The following DPP6 variants were observed in gnomAD, a reference collection of about 807,000 sequenced individuals.
DPP6 encodes the protein dipeptidyl peptidase like 6, also known as A-type potassium channel modulatory protein DPP6.
Under a neutral mutation model 122.6 loss-of-function variants are expected in DPP6, and 69 were observed. The observed-to-expected ratio is 0.56, with a 90% CI of 0.46 to 0.69. DPP6 has a LOEUF of 0.69. Ranked by LOEUF, DPP6 falls within the 30% of genes least tolerant of loss-of-function variation. The pLI is 0.00. For missense variants in DPP6, 928 were observed against 1,116.9 expected (o/e 0.83, Z 2.41); for synonymous variants, 418 against 433.1 (o/e 0.97, Z 0.43).
At chr7:154,881,134 G>A in intron 21 of DPP6, 192 bp downstream of exon 21, 3 of 961,388 alleles carry the variant, frequency 3.1e-6, no homozygotes, top group Non-Finnish European at 4.2e-6. Context: ...ATTTTCCTAA[G>A]TTTCTTTTTA....
the DPP6 span, among the ~76,000 whole-genome samples, chr7:153,838,165 G>A: frequency 6.6e-6 from 1 of 152,094 alleles, no homozygotes; most frequent in Non-Finnish European, 1.5e-5. Context: ...TTCATACTGG[G>A]CATCCAAGAA....
the DPP6 span, among the ~76,000 whole-genome samples, chr7:153,841,767 G>A: frequency 6.6e-6 from 1 of 152,178 alleles, no homozygotes; most frequent in Non-Finnish European, 1.5e-5. Flanking sequence ...AGGAAAATTG[G>A]GAAGAATGCT....
At chr7:153,928,770 C>G (rs1346575946) in intron 1 of DPP6, among the ~76,000 whole-genome samples, 1 of 152,100 alleles carries the variant, frequency 6.6e-6, no homozygotes, top group Non-Finnish European at 1.5e-5. Context: ...CCATAGCAGA[C>G]TTACATTGAT....
intron 2 of DPP6, among the ~76,000 whole-genome samples, chr7:154,451,129 G>A (rs750689080): frequency 2.0e-5 from 3 of 152,044 alleles, no homozygotes; most frequent in African/African-American, 4.8e-5. Flanking sequence ...TTAGGAGGGC[G>A]AGGTGGGCAG....
intron 1 of DPP6, among the ~76,000 whole-genome samples, chr7:154,196,838 T>C (rs1325513376): frequency 2.0e-5 from 3 of 152,124 alleles, no homozygotes; most frequent in Admixed American, 6.5e-5. Context: ...CCCTATCCCG[T>C]TTCCACTTAA....
rs1249481948 is a variant in DPP6 at position 154,801,607 on chromosome 7, C to T, written c.1407+145C>T. 3.5e-5 allele frequency: 42 copies of T among 1,197,774 alleles called. No homozygotes were observed. The East Asian group carries it at 4.6e-4, about 13-fold the overall frequency. 74.2% of individuals were successfully genotyped at this position (1,197,774 alleles called of 1,614,324 possible). A position where few individuals can be genotyped will look rare whatever the true frequency, so the allele number is the denominator to read the frequency against. ...TTCCCGAAGGCAGGGCAGGGCATGGCGCTGGTGAGTGCAGAGGTTCCCATC... is the reference window on the plus strand; with the variant it reads ...TTCCCGAAGGCAGGGCAGGGCATGGTGCTGGTGAGTGCAGAGGTTCCCATC... On this transcript the variant is annotated intron_variant, in intron 13 of 25. Transcript: ENST00000377770.
intron 1 of DPP6, among the ~76,000 whole-genome samples, chr7:154,085,009 A>AAC (rs2150536067): frequency 6.6e-6 from 1 of 151,728 alleles, no homozygotes; most frequent in East Asian, 1.9e-4. Flanking sequence ...AAAAAAAAAA[A>AAC]AACAGGTGCC....
intron 1 of DPP6, among the ~76,000 whole-genome samples, chr7:154,022,859 G>T (rs1798771167): frequency 6.6e-6 from 1 of 152,228 alleles, no homozygotes; most frequent in African/African-American, 2.4e-5. Flanking sequence ...AGAGGTTGGA[G>T]CTTGTCTTCC....
At chr7:154,581,671 T>A (rs1311774176) in intron 5 of DPP6, among the ~76,000 whole-genome samples, 2 of 152,250 alleles carry the variant, frequency 1.3e-5, no homozygotes, top group African/African-American at 4.8e-5. Flanking sequence ...CAGGCAGATC[T>A]TCTCTGCAGT....
chr7:153,823,391 T>G, the DPP6 span, among the ~76,000 whole-genome samples: 1 of 146,360 alleles, frequency 6.8e-6, no homozygotes, highest in Non-Finnish European at 1.5e-5. Context: ...CCTCCCGGCT[T>G]CTGCCCAGTT....
chr7:154,108,963 G>C (rs1196681184), intron 1 of DPP6, among the ~76,000 whole-genome samples: 1 of 152,124 alleles, frequency 6.6e-6, no homozygotes, highest in Non-Finnish European at 1.5e-5. Context: ...TTTTAAAAAA[G>C]CTTCTGTTTT....
intron 1 of DPP6, among the ~76,000 whole-genome samples, chr7:154,135,430 A>G (rs1280060178): frequency 2.0e-5 from 3 of 151,162 alleles, no homozygotes; most frequent in East Asian, 4.0e-4. Context: ...CTAAGAGAGC[A>G]TGCTTCCCGT....
intron 7 of DPP6, among the ~76,000 whole-genome samples, chr7:154,722,752 A>G (rs1320050166): frequency 6.6e-6 from 1 of 152,092 alleles, no homozygotes; most frequent in African/African-American, 2.4e-5. Flanking sequence ...GGAGGCTTCA[A>G]GTCCCTTTAG....
chr7:154,638,200 C>T (rs1835848711), intron 6 of DPP6, among the ~76,000 whole-genome samples: 1 of 152,200 alleles, frequency 6.6e-6, no homozygotes, highest in East Asian at 1.9e-4. Context: ...CTGCAGCCTC[C>T]TCTCAGGCAA....
chr7:154,213,142 G>T (rs1032577611), intron 1 of DPP6, among the ~76,000 whole-genome samples: 12 of 152,266 alleles, frequency 7.9e-5, no homozygotes, highest in Admixed American at 2.0e-4. Context: ...TTCAGCCAGC[G>T]CTCTTGGCAC....
At chr7:153,849,280 T>A in the DPP6 span, among the ~76,000 whole-genome samples, 3 of 152,090 alleles carry the variant, frequency 2.0e-5, no homozygotes, top group African/African-American at 7.2e-5. Context: ...GTTTTCTTTT[T>A]TTTTTTTTGA....
the DPP6 span, among the ~76,000 whole-genome samples, chr7:153,851,288 T>G: frequency 6.6e-6 from 1 of 152,206 alleles, no homozygotes. Context: ...TTTACTAAAT[T>G]ACTTGCTGAC....
the DPP6 span, among the ~76,000 whole-genome samples, chr7:153,821,446 A>G: frequency 2.5e-5 from 3 of 121,538 alleles, no homozygotes; most frequent in African/African-American, 9.4e-5. Flanking sequence ...GTTGTCAGCT[A>G]TATAATGAGT....
chr7:154,334,805 C>T lies in DPP6; in HGVS notation c.244-111409C>T, dbSNP rs1221228181. Among the ~76,000 whole-genome samples the T allele has an allele frequency of 3.9e-5, 6 of 152,014 alleles. No individual in the cohort carries two copies. In the East Asian group the frequency reaches 7.8e-4, roughly 20 times the overall value. ...CAGCTACTCAGGAGGCTGAGGTGGG[C>T]GAATCGCTTGAAGCTGGTAGGCAGA... On this transcript the variant is annotated intron_variant, in intron 1 of 25. Transcript: ENST00000377770.
Sources: allele counts gnomAD v4.1 joint callset (sites outside exome capture counted in the v4.1 genomes callset), GRCh38; gene constraint gnomAD v4.1.1; transcripts MANE v1.5; gene names NCBI Gene and HGNC (gene_info 2026-07-23, HGNC 2026-07-21).